Variants in SCFD1 observed in about 807,000 individuals in gnomAD.
SCFD1 encodes sec1 family domain containing 1.
Under a neutral mutation model 103.2 loss-of-function variants are expected in SCFD1, and 37 were observed. The observed-to-expected ratio is 0.36, with a 90% CI of 0.28 to 0.47. The LOEUF (loss-of-function observed/expected upper bound fraction) is 0.47. SCFD1 is among the 20% of genes least tolerant of loss of function. The pLI, the probability that SCFD1 is intolerant of heterozygous loss-of-function variation, is 1.00. For missense variants in SCFD1, 639 were observed against 761.2 expected, an observed-to-expected ratio of 0.84 and a Z score of 1.89; for synonymous variants, 264 against 245.0, an observed-to-expected ratio of 1.08 and a Z score of -0.73.
Position 30,708,683 on chromosome 14 carries a change from A to C in SCFD1, c.1629+618A>C, listed in dbSNP as rs554128914. On this transcript the variant is annotated intron_variant, in intron 19 of 24. Coordinates refer to ENST00000458591, the MANE Select transcript of SCFD1 (RefSeq NM_016106.4). ...ATGAATATCATTTCTTTTAACATAT[A>C]ATCAGAGAATATTAATAAGCTAATG... Among the ~76,000 whole-genome samples the C allele has an allele frequency of 3.9e-5, 5 of 126,744 alleles. No homozygotes were observed. In the Admixed American group the frequency reaches 4.0e-4, roughly 10 times the overall value. 83.1% of individuals were successfully genotyped at this position (126,744 alleles called of 152,430 possible). A position where few individuals can be genotyped will look rare whatever the true frequency, so the allele number is the denominator to read the frequency against.
intron 10 of SCFD1, among the ~76,000 whole-genome samples, chr14:30,662,139 G>A (rs1161526683): frequency 6.6e-6 from 1 of 152,154 alleles, no homozygotes; most frequent in Non-Finnish European, 1.5e-5. Context: ...ATGTATTCAT[G>A]TGCATTAAAC....
In SCFD1 at chr14:30,682,975, T is replaced by C. The variant is rs144012647; in HGVS notation, c.1242+7910T>C. The stretch of plus-strand genomic sequence containing the variant: ...TCATGATACAGAGTCTATACAGAAA[T>C]CACAAAAAAAGACAGACCATCTAAG... On this transcript the variant is annotated intron_variant, in intron 14 of 24. Coordinates refer to ENST00000458591, the MANE Select transcript of SCFD1 (RefSeq NM_016106.4). 4,811 of 745,400 alleles carry C rather than the reference T, an allele frequency of 6.5e-3. 41 individuals carry two copies. The highest frequency in any genetic ancestry group is 7.4e-3 in the Non-Finnish European group (3,461 of 468,692). The allele number at this position is 745,400 out of a possible 1,614,324, so 46.2% of individuals were successfully genotyped here.
chr14:30,704,847 G>T (rs562253735), intron 17 of SCFD1, among the ~76,000 whole-genome samples: 1 of 152,242 alleles, frequency 6.6e-6, no homozygotes, highest in Admixed American at 6.5e-5. Flanking sequence ...TATACAATAT[G>T]ATGCTAATTT....
At chr14:30,691,682 T>C (rs1009627762) in intron 14 of SCFD1, among the ~76,000 whole-genome samples, 1 of 152,226 alleles carries the variant, frequency 6.6e-6, no homozygotes, top group Non-Finnish European at 1.5e-5. Flanking sequence ...ACAGAGTTGT[T>C]GCAACCACAA....
intron 4 of SCFD1, 45 bp downstream of exon 4, chr14:30,634,082 A>AT (rs536163564): frequency 9.6e-4 from 1,126 of 1,173,944 alleles, no homozygotes; most frequent in South Asian, 1.5e-3. Context: ...TTGGAAATGG[A>AT]TTTTTTTTTC....
At chr14:30,681,795 A>G (rs1889504235) in intron 14 of SCFD1, among the ~76,000 whole-genome samples, 1 of 152,150 alleles carries the variant, frequency 6.6e-6, no homozygotes, top group South Asian at 2.1e-4. Context: ...GAATAAATTA[A>G]GTGATGTAAT....
intron 3 of SCFD1, among the ~76,000 whole-genome samples, chr14:30,632,814 TCAGTAA>T (rs1189601420): frequency 3.3e-5 from 5 of 152,204 alleles, no homozygotes; most frequent in Non-Finnish European, 7.4e-5. Context: ...CTGTAATGGC[TCAGTAA>T]CAGTAACTAA....
intron 22 of SCFD1, 72 bp downstream of exon 22, chr14:30,721,989 G>A: frequency 1.8e-6 from 2 of 1,086,532 alleles, no homozygotes; most frequent in South Asian, 1.3e-5. Flanking sequence ...AAGACTGTCT[G>A]TACCAAACAT....
At chr14:30,664,967 A>G (rs1052449528) in intron 10 of SCFD1, among the ~76,000 whole-genome samples, 1 of 152,214 alleles carries the variant, frequency 6.6e-6, no homozygotes, top group South Asian at 2.1e-4. Context: ...GTTGGAAAAC[A>G]CTCTTCAGGA....
At chr14:30,646,589 T>A (rs1011507860) in intron 7 of SCFD1, among the ~76,000 whole-genome samples, 1 of 152,152 alleles carries the variant, frequency 6.6e-6, no homozygotes, top group Non-Finnish European at 1.5e-5. Context: ...TATTTTTTTG[T>A]TGTGTCTCTG....
At chr14:30,690,878 G>A (rs181216407) in intron 14 of SCFD1, among the ~76,000 whole-genome samples, 5 of 152,182 alleles carry the variant, frequency 3.3e-5, no homozygotes, top group Non-Finnish European at 7.3e-5. Flanking sequence ...AAGAATCTCA[G>A]TTTATTATCT....
At chr14:30,713,710 G>A (rs1041325565) in intron 19 of SCFD1, among the ~76,000 whole-genome samples, 6 of 151,980 alleles carry the variant, frequency 3.9e-5, no homozygotes, top group Admixed American at 2.6e-4. Context: ...TTCCTCCATT[G>A]TATAGATCTA....
chr14:30,656,494 G>T lies in SCFD1; in HGVS notation c.855+2906G>T, dbSNP rs551500879. ...TGTAGGATGTTTAGCATCATTCCTGGCCTTGACTCTCTAGGTGCCAGTGGA... is the reference window on the plus strand; with the variant it reads ...TGTAGGATGTTTAGCATCATTCCTGTCCTTGACTCTCTAGGTGCCAGTGGA... On this transcript the variant is annotated intron_variant, in intron 10 of 24. Transcript: ENST00000458591. Among the ~76,000 whole-genome samples the T allele has an allele frequency of 5.3e-5, 8 of 152,202 alleles. No individual in the cohort carries two copies. The East Asian group carries it at 1.5e-3, about 29-fold the overall frequency.
chr14:30,682,966 A>C (rs963326466), intron 14 of SCFD1: 1 of 677,258 alleles, frequency 1.5e-6, no homozygotes, highest in Non-Finnish European at 2.4e-6. Context: ...TACAGAGTCT[A>C]TACAGAAATC....
chr14:30,671,963 G>A (rs914766216), intron 11 of SCFD1, among the ~76,000 whole-genome samples: 11 of 149,020 alleles, frequency 7.4e-5, no homozygotes, highest in African/African-American at 2.8e-4. Context: ...GCAGTGAGCC[G>A]AGATCACGCC....
At chr14:30,646,257 G>A (rs539158446) in intron 7 of SCFD1, among the ~76,000 whole-genome samples, 9 of 151,772 alleles carry the variant, frequency 5.9e-5, no homozygotes, top group Non-Finnish European at 1.2e-4. Context: ...TCTTGACCTC[G>A]TGATCCACCT....
intron 23 of SCFD1, among the ~76,000 whole-genome samples, chr14:30,723,429 G>T (rs1892793236): frequency 1.3e-5 from 2 of 152,134 alleles, no homozygotes; most frequent in South Asian, 4.2e-4. Context: ...TAAGTTCAGG[G>T]GTACAAGTGC....
intron 6 of SCFD1, among the ~76,000 whole-genome samples, chr14:30,641,725 C>T (rs2139054286): frequency 6.6e-6 from 1 of 151,816 alleles, no homozygotes; most frequent in East Asian, 1.9e-4. Flanking sequence ...TCTGTGTTGC[C>T]TGATTGAATT....
intron 4 of SCFD1, chr14:30,634,996 C>A (rs779980251): frequency 2.2e-6 from 1 of 455,686 alleles, no homozygotes; most frequent in Admixed American, 2.4e-5. Flanking sequence ...TAGCAAGATT[C>A]TTTTAGCAAG....
Sources: gnomAD v4.1 joint callset for allele counts (sites outside exome capture counted in the v4.1 genomes callset) on GRCh38, gnomAD v4.1.1 for gene constraint, MANE v1.5 for transcripts, NCBI Gene and HGNC (gene_info 2026-07-23, HGNC 2026-07-21) for gene names.